Variants in SMAD7 observed in about 807,000 individuals in gnomAD.
The protein encoded by SMAD7 is SMAD family member 7, also known as MAD (mothers against decapentaplegic, Drosophila) homolog 7.
In SMAD7, 8 loss-of-function variants were observed where a neutral mutation model predicts 38.7. The observed-to-expected ratio is 0.21, with a 90% CI of 0.12 to 0.37. SMAD7 has a LOEUF of 0.37. Among genes scored for constraint, SMAD7 ranks in the 10% least tolerant of loss-of-function variants. The pLI is 1.00. For synonymous variants in SMAD7, 327 were observed against 265.1 expected, an observed-to-expected ratio of 1.23 and a Z score of -2.27; for missense variants, 477 against 577.9, an observed-to-expected ratio of 0.83 and a Z score of 1.79.
chr18:48,947,432 T>C (rs925926335), intron 2 of SMAD7, among the ~76,000 whole-genome samples: 4 of 152,346 alleles, frequency 2.6e-5, no homozygotes, highest in Admixed American at 2.6e-4. Context: ...AGCTAAATGG[T>C]GCCCAACCCT....
intron 3 of SMAD7, among the ~76,000 whole-genome samples, chr18:48,923,385 G>T (rs1009451073): frequency 1.3e-5 from 2 of 152,194 alleles, no homozygotes; most frequent in Non-Finnish European, 2.9e-5. Flanking sequence ...CCAGCAGGCT[G>T]GGTAACTGGG....
chr18:48,924,826 C>T (rs2069906624), intron 3 of SMAD7, among the ~76,000 whole-genome samples: 1 of 152,224 alleles, frequency 6.6e-6, no homozygotes, highest in Non-Finnish European at 1.5e-5. Flanking sequence ...CAAAACCATT[C>T]GGCAACAGCA....
chr18:48,921,665 C>T lies in SMAD7; in HGVS notation c.988G>A (p.Val330Met). 6.2e-7 allele frequency: 1 copy of T among 1,613,408 alleles called. No individual in the cohort carries two copies. Among genetic ancestry groups the T allele is most frequent in the Admixed American group, 1.7e-5 (1 of 59,996 alleles). The change falls in exon 4 of 4, where the codon GTG becomes ATG. Residue 330 changes from valine (V) to methionine (M), a missense_variant. Transcript: ENST00000262158. This position sits in a 1 kb window ranked among gnomAD's most constrained non-coding sequence, Gnocchi z 6.4. ...TAACTGCTGCGGTTGTACACCCACA[C>T]ACCATCCACCTCCCGCGTCAGCTGG... is the stretch of plus-strand genomic sequence containing the variant. ...GIQLTREVDG[V>M]WVYNRSSYPI...
At position 48,919,949 on chromosome 18, in the gene SMAD7, T is replaced by C. The variant is rs1270414798; in HGVS notation, c.*1423A>G. The C allele has an allele frequency of 6.6e-6, 1 of 152,620 alleles. No individual in the cohort carries two copies. The highest frequency in any genetic ancestry group is 1.5e-5 in the Non-Finnish European group (1 of 68,040). 9.5% of individuals were successfully genotyped at this position (152,620 alleles called of 1,614,324 possible). On this transcript the variant is annotated 3_prime_UTR_variant, in exon 4 of 4. Transcript: ENST00000262158. ...CACCCATAGAAAAAAACACCAATCT[T>C]GTGTTTATCTTTTTTAATTTGGCAT...
chr18:48,925,896 G>A lies in SMAD7; in HGVS notation c.743-3986C>T, dbSNP rs543970593. 6.9e-3 allele frequency among the ~76,000 whole-genome samples: 1,054 copies of A among 152,092 alleles called. 8 individuals are homozygous for A. The highest frequency in any genetic ancestry group is 0.024 in the African/African-American group (997 of 41,462). On this transcript the variant is annotated intron_variant, in intron 3 of 3. Transcript: ENST00000262158. ...CGAGTAGCTGGGACTACAGGCACCCGCCACCACGCCTGGCTAATTTTTTGT... is the reference window on the plus strand; with the variant it reads ...CGAGTAGCTGGGACTACAGGCACCCACCACCACGCCTGGCTAATTTTTTGT...
Position 48,950,414 on chromosome 18 carries a change from G to C in SMAD7, c.11C>G (p.Thr4Ser), listed in dbSNP as rs1028363245. Residue 4 changes from threonine to serine, a missense_variant, in exon 1 of 4, where the codon ACC becomes AGC. Thr to Ser is a moderately conservative substitution (Grantham distance 58). Coordinates refer to ENST00000262158, the MANE Select transcript of SMAD7 (RefSeq NM_005904.4). MFR[T>S]KRSALVRRLW... The stretch of plus-strand genomic sequence containing the variant: ...ACGCCGGACGAGCGCAGATCGTTTG[G>C]TCCTGAACATGCGGGGCGAGGAGGC... The C allele has an allele frequency of 1.3e-6, 2 of 1,550,170 alleles. No homozygotes were observed. Among genetic ancestry groups the C allele is most frequent in the African/African-American group, 2.8e-5 (2 of 70,770 alleles).
intron 1 of SMAD7, chr18:48,949,314 C>A: frequency 2.0e-6 from 2 of 981,498 alleles, no homozygotes; most frequent in African/African-American, 3.5e-5. Context: ...TGGTGTTCGA[C>A]GTGATTCTCC....
Position 48,950,547 on chromosome 18 carries a change from A to T in SMAD7, c.-123T>A, listed in dbSNP as rs2070251894. On this transcript the variant is annotated 5_prime_UTR_variant, in exon 1 of 4. Coordinates refer to ENST00000262158, the MANE Select transcript of SMAD7 (RefSeq NM_005904.4). ...AGGCGCAGGCGACAGCAGCAGCAGC[A>T]GGGGCCCGGGCAGGAGCGGCGGCGG... The T allele has an allele frequency of 1.1e-6, 1 of 946,488 alleles. No individual in the cohort carries two copies. Among genetic ancestry groups the T allele is most frequent in the Admixed American group, 3.7e-5 (1 of 27,062 alleles). 58.6% of individuals were successfully genotyped at this position (946,488 alleles called of 1,614,324 possible).
chr18:48,930,440 G>A (rs947620192), intron 3 of SMAD7, among the ~76,000 whole-genome samples: 3 of 152,100 alleles, frequency 2.0e-5, no homozygotes, highest in Admixed American at 2.0e-4. Flanking sequence ...CCCCCACCCA[G>A]AAGCTGCTGT....
intron 3 of SMAD7, among the ~76,000 whole-genome samples, chr18:48,928,971 C>T (rs991938082): frequency 6.6e-6 from 1 of 152,104 alleles, no homozygotes; most frequent in Non-Finnish European, 1.5e-5. Flanking sequence ...CAAATTACAG[C>T]GTGTACCCAG....
chr18:48,928,347 AG>A (rs1231240919), intron 3 of SMAD7, among the ~76,000 whole-genome samples: 1 of 152,258 alleles, frequency 6.6e-6, no homozygotes, highest in Non-Finnish European at 1.5e-5. Flanking sequence ...TTTGAGGAGC[AG>A]GGTACATTTT....
At chr18:48,945,014 G>A (rs1486476826) in intron 2 of SMAD7, among the ~76,000 whole-genome samples, 1 of 152,212 alleles carries the variant, frequency 6.6e-6, no homozygotes, top group East Asian at 1.9e-4. Flanking sequence ...TAAAGGAGCT[G>A]GGAGTCCCAC....
chr18:48,946,150 T>C (rs1221948785), intron 2 of SMAD7, among the ~76,000 whole-genome samples: 1 of 152,190 alleles, frequency 6.6e-6, no homozygotes, highest in Non-Finnish European at 1.5e-5. Flanking sequence ...AGATGGAGAC[T>C]TCACAGGATG....
Position 48,950,261 on chromosome 18 carries a change from G to A in SMAD7, c.164C>T (p.Pro55Leu). 6.6e-7 allele frequency: 1 copy of A among 1,518,292 alleles called. No homozygotes were observed. Among genetic ancestry groups the A allele is most frequent in the Non-Finnish European group, 8.8e-7 (1 of 1,136,014 alleles). 94.1% of individuals were successfully genotyped at this position (1,518,292 alleles called of 1,614,324 possible). The change falls in exon 1 of 4, where the codon CCG becomes CTG. Residue 55 changes from proline to leucine, a missense_variant. Physicochemically the swap from Pro to Leu is moderately conservative, Grantham distance 98. Around this residue, in one of 2 missense-constraint regions of SMAD7, gnomAD observed 376 missense variants for 379.4 expected, o/e 0.99. Coordinates refer to ENST00000262158, the MANE Select transcript of SMAD7 (RefSeq NM_005904.4). The part of the protein sequence containing the change: ...SRAHGAGGGG[P>L]GRAGCCLGKA... ...GCCCAGGCAGCATCCAGCCCTGCCC[G>A]GGCCGCCGCCACCGGCCCCATGCGC...
chr18:48,938,750 A>G (rs2070100350), intron 3 of SMAD7, among the ~76,000 whole-genome samples: 1 of 152,198 alleles, frequency 6.6e-6, no homozygotes, highest in Non-Finnish European at 1.5e-5. Flanking sequence ...CATGCTCTGC[A>G]TTCCCAGTGA....
chr18:48,932,700 A>T (rs2143782320), intron 3 of SMAD7, among the ~76,000 whole-genome samples: 2 of 152,262 alleles, frequency 1.3e-5, no homozygotes, highest in Middle Eastern at 3.4e-3. Context: ...ATCTTAGATT[A>T]TTTCATCCAA....
chr18:48,928,684 G>A (rs946055423), intron 3 of SMAD7, among the ~76,000 whole-genome samples: 2 of 152,096 alleles, frequency 1.3e-5, no homozygotes, highest in African/African-American at 4.8e-5. Context: ...ATTAGTGACT[G>A]TGTCCTTACA....
intron 3 of SMAD7, among the ~76,000 whole-genome samples, chr18:48,935,442 G>T (rs201893619): frequency 6.6e-6 from 1 of 152,150 alleles, no homozygotes; most frequent in South Asian, 2.1e-4. Context: ...ATCCTTTCAC[G>T]AGGCTCCCGC....
In SMAD7 at chr18:48,921,280, A is replaced by G. The variant is rs982928086; in HGVS notation, c.*92T>C. On this transcript the variant is annotated 3_prime_UTR_variant, in exon 4 of 4. Transcript: ENST00000262158. This position sits in a 1 kb window ranked among gnomAD's most constrained non-coding sequence, Gnocchi z 6.4. ...AAAAAAAAACGACCAAAGAGTTTGC[A>G]TGAAAAGCAAGCACTCAGGAGGAAA... The G allele has an allele frequency of 3.2e-5, 37 of 1,157,332 alleles. No individual in the cohort carries two copies. Among genetic ancestry groups the G allele is most frequent in the Non-Finnish European group, 4.4e-5 (36 of 825,852 alleles). The allele number at this position is 1,157,332 out of a possible 1,614,324, so 71.7% of individuals were successfully genotyped here.
Sources: gnomAD v4.1 joint callset for allele counts (sites outside exome capture counted in the v4.1 genomes callset) on GRCh38, gnomAD v4.1.1 for gene constraint, gnomAD v4.1.1 regional missense constraint, Gnocchi (gnomAD v3.1) non-coding constraint, MANE v1.5 for transcripts, NCBI Gene and HGNC (gene_info 2026-07-23, HGNC 2026-07-21) for gene names.